The following DTWD2 variants were observed in gnomAD, a reference collection of about 807,000 sequenced individuals.
The protein encoded by DTWD2 is DTW motif tRNA-uridine aminocarboxypropyltransferase 2.
DTWD2 carries 39 observed loss-of-function variants against 31.8 expected under a neutral mutation model. That is an observed-to-expected ratio of 1.22 (90% CI 0.95 to 1.60). The LOEUF is 1.60. DTWD2 is among the 40% of genes most tolerant of loss of function. DTWD2 has a pLI of 0.00. For missense variants in DTWD2, 515 were observed against 381.5 expected, an observed-to-expected ratio of 1.35 and a Z score of -2.92; for synonymous variants, 180 against 142.8, an observed-to-expected ratio of 1.26 and a Z score of -1.86.
At chr5:118,864,912 T>A (rs1158645528) in intron 4 of DTWD2, among the ~76,000 whole-genome samples, 1 of 152,162 alleles carries the variant, frequency 6.6e-6, no homozygotes, top group African/African-American at 2.4e-5. Context: ...TATTGCGTAT[T>A]TTCTCATAAA....
At chr5:118,908,515 T>C (rs1162561419) in intron 4 of DTWD2, among the ~76,000 whole-genome samples, 1 of 152,164 alleles carries the variant, frequency 6.6e-6, no homozygotes, top group Non-Finnish European at 1.5e-5. Flanking sequence ...TATCTTCTAA[T>C]GTCAAACCGT....
At chr5:118,841,324 T>A (rs1751708741) in intron 5 of DTWD2, among the ~76,000 whole-genome samples, 1 of 152,196 alleles carries the variant, frequency 6.6e-6, no homozygotes, top group Non-Finnish European at 1.5e-5. Context: ...AATACTGATT[T>A]TCCACATAGG....
intron 4 of DTWD2, among the ~76,000 whole-genome samples, chr5:118,891,330 T>A (rs1029746488): frequency 2.0e-5 from 3 of 152,202 alleles, no homozygotes; most frequent in African/African-American, 7.2e-5. Context: ...CGATGCCCTA[T>A]AATTGAGGCA....
chr5:118,923,482 C>T (rs1753747382), intron 4 of DTWD2, among the ~76,000 whole-genome samples: 2 of 152,206 alleles, frequency 1.3e-5, no homozygotes, highest in African/African-American at 4.8e-5. Context: ...ATGTATGCAA[C>T]TTGCTAAACA....
At chr5:118,943,328 G>A (rs1754249443) in intron 2 of DTWD2, among the ~76,000 whole-genome samples, 1 of 152,142 alleles carries the variant, frequency 6.6e-6, no homozygotes, top group Non-Finnish European at 1.5e-5. Context: ...GAGGCAGGTG[G>A]ATCATGAGAT....
At chr5:118,981,321 C>T (rs1755294461) in intron 1 of DTWD2, among the ~76,000 whole-genome samples, 1 of 152,038 alleles carries the variant, frequency 6.6e-6, no homozygotes, top group South Asian at 2.1e-4. Context: ...AAACTGTACA[C>T]TTAAATGATT....
chr5:118,962,306 A>G (rs1754724523), intron 1 of DTWD2, among the ~76,000 whole-genome samples: 1 of 152,206 alleles, frequency 6.6e-6, no homozygotes, highest in African/African-American at 2.4e-5. Context: ...GTATTACATT[A>G]CTATATAAGA....
At chr5:118,859,464 T>C (rs1201139998) in intron 4 of DTWD2, among the ~76,000 whole-genome samples, 2 of 152,232 alleles carry the variant, frequency 1.3e-5, no homozygotes, top group African/African-American at 2.4e-5. Context: ...TGAAATGTTT[T>C]GATCCATTCC....
At chr5:118,909,279 C>A (rs973688187) in intron 4 of DTWD2, among the ~76,000 whole-genome samples, 5 of 152,226 alleles carry the variant, frequency 3.3e-5, no homozygotes, top group Non-Finnish European at 7.3e-5. Context: ...AAACTCAACT[C>A]AACAGCCCTT....
chr5:118,926,370 T>G (rs1471884380), intron 4 of DTWD2, among the ~76,000 whole-genome samples: 2 of 152,094 alleles, frequency 1.3e-5, no homozygotes, highest in Non-Finnish European at 2.9e-5. Context: ...AAGATGTACA[T>G]AATAAATTTT....
intron 4 of DTWD2, among the ~76,000 whole-genome samples, chr5:118,922,563 C>T (rs550040537): frequency 1.3e-5 from 2 of 152,236 alleles, no homozygotes; most frequent in East Asian, 1.9e-4. Flanking sequence ...ATTTGGGAAA[C>T]TTATGCAAAA....
intron 4 of DTWD2, among the ~76,000 whole-genome samples, chr5:118,921,214 T>C (rs776415972): frequency 1.2e-4 from 19 of 152,118 alleles, no homozygotes; most frequent in Non-Finnish European, 2.6e-4. Context: ...GAGGTGTGGA[T>C]ATATTCTGCC....
chr5:118,871,776 T>C (rs1406617264), intron 4 of DTWD2, among the ~76,000 whole-genome samples: 3 of 152,194 alleles, frequency 2.0e-5, no homozygotes, highest in African/African-American at 7.2e-5. Context: ...GAATGGTAAA[T>C]GACCACTGGC....
intron 1 of DTWD2, among the ~76,000 whole-genome samples, chr5:118,976,892 C>T (rs1423302967): frequency 6.6e-6 from 1 of 152,070 alleles, no homozygotes; most frequent in Non-Finnish European, 1.5e-5. Context: ...AAAAAAAGAA[C>T]ATTTCAGGCC....
intron 4 of DTWD2, among the ~76,000 whole-genome samples, chr5:118,872,163 T>C (rs1752520640): frequency 1.3e-5 from 2 of 152,234 alleles, no homozygotes; most frequent in Admixed American, 1.3e-4. Context: ...GATTAAGCTT[T>C]GCCTAAGGGA....
At chr5:118,881,983 A>G (rs1752752113) in intron 4 of DTWD2, among the ~76,000 whole-genome samples, 2 of 152,152 alleles carry the variant, frequency 1.3e-5, no homozygotes, top group African/African-American at 4.8e-5. Flanking sequence ...ACAGTCCCCC[A>G]AAGTCTTAAC....
At chr5:118,862,084 C>T (rs1475930410) in intron 4 of DTWD2, among the ~76,000 whole-genome samples, 1 of 152,240 alleles carries the variant, frequency 6.6e-6, no homozygotes, top group Non-Finnish European at 1.5e-5. Context: ...AGATCCACCA[C>T]AGCACTAGAT....
chr5:118,925,958 GA>G (rs1255300982), intron 4 of DTWD2, among the ~76,000 whole-genome samples: 1 of 152,092 alleles, frequency 6.6e-6, no homozygotes, highest in East Asian at 1.9e-4. Flanking sequence ...AACAAAGTGT[GA>G]TGCCTCATGC....
intron 1 of DTWD2, among the ~76,000 whole-genome samples, chr5:118,953,628 G>T (rs1754515774): frequency 6.6e-6 from 1 of 152,284 alleles, no homozygotes; most frequent in East Asian, 1.9e-4. Flanking sequence ...TGGAACCCTA[G>T]AAACTTGCTA....
Sources: gnomAD v4.1 joint callset for allele counts (sites outside exome capture counted in the v4.1 genomes callset) on GRCh38, gnomAD v4.1.1 for gene constraint, MANE v1.5 for transcripts, NCBI Gene and HGNC (gene_info 2026-07-23, HGNC 2026-07-21) for gene names.